FAM185A: variants seen among roughly 807,000 people sequenced by gnomAD.
FAM185A encodes the protein family with sequence similarity 185 member A, also known as protein FAM185A.
A neutral mutation model predicts 45.7 loss-of-function variants in FAM185A; 21 were observed. That is an observed-to-expected ratio of 0.46 (90% confidence interval 0.33 to 0.66). The LOEUF (loss-of-function observed/expected upper bound fraction) is 0.66, where lower values mean the gene tolerates loss of function less well. Ranked by LOEUF, FAM185A falls within the 30% of genes least tolerant of loss-of-function variation. The pLI is 0.03. For missense variants in FAM185A, 305 were observed against 485.4 expected (o/e 0.63, Z 3.49); for synonymous variants, 117 against 194.0 (o/e 0.60, Z 3.30).
At chr7:102,825,840 C>T in the FAM185A span, among the ~76,000 whole-genome samples, 5 of 152,246 alleles carry the variant, frequency 3.3e-5, no homozygotes, top group Non-Finnish European at 2.9e-5. Context: ...GATTTGAATT[C>T]CCCAGCTCTG....
chr7:102,844,254 GC>G, the FAM185A span, among the ~76,000 whole-genome samples: 2 of 152,326 alleles, frequency 1.3e-5, no homozygotes, highest in African/African-American at 4.8e-5. Context: ...ATAAGAGGGA[GC>G]TATGTTTGGG....
chr7:102,764,004 T>G (rs543475308), intron 4 of FAM185A, among the ~76,000 whole-genome samples: 1 of 152,206 alleles, frequency 6.6e-6, no homozygotes, highest in African/African-American at 2.4e-5. Flanking sequence ...CAGTGGTCCA[T>G]TATCACCCTG....
the FAM185A span, among the ~76,000 whole-genome samples, chr7:102,825,721 T>A: frequency 6.6e-6 from 1 of 152,164 alleles, no homozygotes; most frequent in Non-Finnish European, 1.5e-5. Flanking sequence ...CATAAAAAAA[T>A]GTGCAATTTG....
downstream of FAM185A, among the ~76,000 whole-genome samples, chr7:102,813,808 CTATT>C (rs1393867833): frequency 1.3e-5 from 2 of 152,148 alleles, no homozygotes; most frequent in East Asian, 1.9e-4. Context: ...ACTGAGGCCT[CTATT>C]TATTTATACT....
chr7:102,805,508 C>T (rs1034404769), intron 7 of FAM185A, among the ~76,000 whole-genome samples: 14 of 150,430 alleles, frequency 9.3e-5, no homozygotes, highest in African/African-American at 3.4e-4. Flanking sequence ...AAGAGTGATA[C>T]AATGGACTTT....
the FAM185A span, among the ~76,000 whole-genome samples, chr7:102,815,889 G>C: frequency 6.6e-6 from 1 of 152,102 alleles, no homozygotes; most frequent in African/African-American, 2.4e-5. Flanking sequence ...AGTAGTGGGG[G>C]TTTGAGAAAA....
chr7:102,791,516 T>C (rs188009032), intron 7 of FAM185A, among the ~76,000 whole-genome samples: 28 of 152,320 alleles, frequency 1.8e-4, no homozygotes, highest in Admixed American at 1.6e-3. Context: ...GTGTGTTACT[T>C]GTTATTATGG....
At chr7:102,783,799 C>A (rs1292551411) in intron 6 of FAM185A, among the ~76,000 whole-genome samples, 2 of 152,060 alleles carry the variant, frequency 1.3e-5, no homozygotes, top group Non-Finnish European at 2.9e-5. Flanking sequence ...CAAACACATT[C>A]AAAAACTAGC....
chr7:102,837,324 C>T, the FAM185A span, among the ~76,000 whole-genome samples: 1 of 152,322 alleles, frequency 6.6e-6, no homozygotes, highest in African/African-American at 2.4e-5. Flanking sequence ...AGCAAAGGCC[C>T]AGCCTCAGAG....
At chr7:102,825,384 C>A in the FAM185A span, among the ~76,000 whole-genome samples, 15 of 152,220 alleles carry the variant, frequency 9.9e-5, no homozygotes, top group African/African-American at 3.6e-4. Flanking sequence ...ATGCTCATCT[C>A]CCTTGCCATG....
At chr7:102,781,219 T>C (rs185520640) in intron 6 of FAM185A, among the ~76,000 whole-genome samples, 2 of 152,312 alleles carry the variant, frequency 1.3e-5, no homozygotes, top group Admixed American at 1.3e-4. Context: ...CCTGCCTCTG[T>C]AGACTCCACA....
chr7:102,841,412 T>C, the FAM185A span, among the ~76,000 whole-genome samples: 1 of 152,202 alleles, frequency 6.6e-6, no homozygotes, highest in Non-Finnish European at 1.5e-5. Context: ...AGAACAGATG[T>C]GCACATTCAT....
chr7:102,775,138 A>T (rs541006365), intron 5 of FAM185A, among the ~76,000 whole-genome samples: 129 of 152,232 alleles, frequency 8.5e-4, no homozygotes, highest in Admixed American at 8.2e-3. Context: ...CAGTCCGTTT[A>T]GTTAACATAT....
chr7:102,802,117 G>A (rs1167330527), intron 7 of FAM185A, among the ~76,000 whole-genome samples: 1 of 152,102 alleles, frequency 6.6e-6, no homozygotes, highest in Non-Finnish European at 1.5e-5. Context: ...TCCACTGACA[G>A]CACTGGACAG....
chr7:102,777,261 T>A lies in FAM185A; in HGVS notation c.844T>A (p.Ser282Thr). Residue 282 changes from serine (S) to threonine (T), a missense_variant, in exon 6 of 8, where the codon TCT becomes ACT. By Grantham distance (58) the Ser-to-Thr change is moderately conservative. This residue lies in a region of FAM185A where 44 missense variants were observed against 66.8 expected (regional missense o/e 0.66). Transcript: ENST00000413034. ...TTTTTTCTTCTTCCTAGATTCGTCTTCTGGATGTCTAAAAGCCTCAACTAA... is the reference window on the plus strand; with the variant it reads ...TTTTTTCTTCTTCCTAGATTCGTCTACTGGATGTCTAAAAGCCTCAACTAA... ...KMGNITVDSS[S>T]GCLKASTNQG... The A allele has an allele frequency of 6.5e-7, 1 of 1,548,242 alleles. No individual in the cohort carries two copies. The highest frequency in any genetic ancestry group is 8.7e-7 in the Non-Finnish European group (1 of 1,145,566).
At chr7:102,841,751 C>G in the FAM185A span, among the ~76,000 whole-genome samples, 1 of 152,178 alleles carries the variant, frequency 6.6e-6, no homozygotes, top group Non-Finnish European at 1.5e-5. Flanking sequence ...GCCTGGGTAT[C>G]TTGGCAAGAG....
At chr7:102,837,808 G>C in the FAM185A span, among the ~76,000 whole-genome samples, 4 of 152,300 alleles carry the variant, frequency 2.6e-5, no homozygotes, top group African/African-American at 9.6e-5. Flanking sequence ...TTCCCAAAAC[G>C]TTGGGATTAT....
intron 7 of FAM185A, among the ~76,000 whole-genome samples, chr7:102,793,502 T>C (rs901040239): frequency 2.0e-5 from 3 of 151,906 alleles, no homozygotes; most frequent in Non-Finnish European, 4.4e-5. Flanking sequence ...AGCCACTGCA[T>C]CCGGCCGCTT....
At chr7:102,788,493 G>A (rs561160503) in intron 7 of FAM185A, among the ~76,000 whole-genome samples, 36 of 152,108 alleles carry the variant, frequency 2.4e-4, no homozygotes, top group Middle Eastern at 6.8e-3. Flanking sequence ...TTTATATGTC[G>A]TGAAAATTAA....
Sources: allele counts gnomAD v4.1 joint callset (sites outside exome capture counted in the v4.1 genomes callset), GRCh38; gene constraint gnomAD v4.1.1; regional missense constraint gnomAD v4.1.1; transcripts MANE v1.5; gene names NCBI Gene and HGNC (gene_info 2026-07-23, HGNC 2026-07-21).